Variants in SV2C observed in about 807,000 individuals in gnomAD.
SV2C encodes solute carrier family 22 member B3.
In SV2C, 49 loss-of-function variants were observed where a neutral mutation model predicts 79.7. The observed-to-expected ratio is 0.61, with a 90% CI of 0.49 to 0.78. The LOEUF (loss-of-function observed/expected upper bound fraction) is 0.78. SV2C is among the 30% of genes least tolerant of loss of function. The pLI, the probability that SV2C is intolerant of heterozygous loss-of-function variation, is 0.00. For synonymous variants in SV2C, 334 were observed against 333.2 expected (o/e 1.00, Z -0.03); for missense variants, 833 against 912.9 (o/e 0.91, Z 1.13).
At chr5:76,171,732 G>A (rs2112273847) in intron 2 of SV2C, among the ~76,000 whole-genome samples, 1 of 140,042 alleles carries the variant, frequency 7.1e-6, no homozygotes, top group Non-Finnish European at 1.6e-5. Flanking sequence ...CCCCCGCCTG[G>A]CCAGCCGTGC....
chr5:76,258,956 G>C (rs547379475), intron 4 of SV2C, among the ~76,000 whole-genome samples: 1 of 152,134 alleles, frequency 6.6e-6, no homozygotes, highest in Non-Finnish European at 1.5e-5. Flanking sequence ...ATTCATCCTG[G>C]TTGTTGCATG....
At chr5:75,915,253 C>T in the SV2C span, among the ~76,000 whole-genome samples, 1 of 152,130 alleles carries the variant, frequency 6.6e-6, no homozygotes, top group Non-Finnish European at 1.5e-5. Context: ...ATCAGTGTGC[C>T]CATGCTCTTA....
chr5:76,044,501 G>C, the SV2C span, among the ~76,000 whole-genome samples: 1 of 152,162 alleles, frequency 6.6e-6, no homozygotes, highest in Non-Finnish European at 1.5e-5. Context: ...CTTCCACAAT[G>C]GTTGAACTAA....
the SV2C span, among the ~76,000 whole-genome samples, chr5:76,046,527 TCTTA>T: frequency 6.6e-6 from 1 of 152,142 alleles, no homozygotes; most frequent in Non-Finnish European, 1.5e-5. Context: ...TGTGTAAAGG[TCTTA>T]CTATCTCAAA....
chr5:76,053,197 G>A, the SV2C span, among the ~76,000 whole-genome samples: 2 of 151,732 alleles, frequency 1.3e-5, no homozygotes, highest in Non-Finnish European at 2.9e-5. Flanking sequence ...CATGCCTGAA[G>A]AAAGCTGACC....
chr5:76,019,756 G>A, the SV2C span, among the ~76,000 whole-genome samples: 1 of 152,122 alleles, frequency 6.6e-6, no homozygotes, highest in African/African-American at 2.4e-5. Flanking sequence ...ATACAATTGG[G>A]GAAAACTAAC....
At chr5:76,080,924 C>T (rs914406495), upstream of SV2C, among the ~76,000 whole-genome samples, 10 of 152,212 alleles carry the variant, frequency 6.6e-5, no homozygotes, top group African/African-American at 2.4e-4. Context: ...CCAGGCAGGA[C>T]CCTAGAACCA....
chr5:75,918,914 C>G, the SV2C span, among the ~76,000 whole-genome samples: 2 of 152,180 alleles, frequency 1.3e-5, no homozygotes, highest in Admixed American at 1.3e-4. Context: ...CAGGGTAGTA[C>G]GTATGTGAAG....
chr5:75,961,707 G>A, the SV2C span, among the ~76,000 whole-genome samples: 1 of 151,772 alleles, frequency 6.6e-6, no homozygotes, highest in East Asian at 1.9e-4. Context: ...TCTCTGCAAT[G>A]TAAAGAATTA....
chr5:76,122,790 A>G (rs1391644282), intron 1 of SV2C, among the ~76,000 whole-genome samples: 1 of 152,098 alleles, frequency 6.6e-6, no homozygotes, highest in East Asian at 1.9e-4. Context: ...CAAAATTGAC[A>G]CCCTAACATC....
In SV2C at chr5:76,174,107, C is replaced by T. The variant is rs190515855; in HGVS notation, c.581-20812C>T. The T allele has an allele frequency of 1.3e-4, 205 of 1,594,850 alleles. No homozygotes were observed. The Admixed American group carries it at 1.6e-3, about 12-fold the overall frequency. On this transcript the variant is annotated intron_variant, in intron 2 of 12. Transcript: ENST00000502798. ...AGGATCGTATTTTTCTACAAAAATT[C>T]CTTGAACAAATTGTACAGTCAAAGC...
chr5:75,984,562 T>TATCG, the SV2C span, among the ~76,000 whole-genome samples: 1 of 54,368 alleles, frequency 1.8e-5, no homozygotes, highest in African/African-American at 5.5e-5. Flanking sequence ...TCTATCTATC[T>TATCG]ATCTATATCT....
chr5:75,903,622 A>G, the SV2C span, among the ~76,000 whole-genome samples: 4 of 152,318 alleles, frequency 2.6e-5, no homozygotes, highest in South Asian at 8.3e-4. Context: ...TCTTGTTAAA[A>G]TCTTCCATTT....
chr5:76,153,056 C>T (rs1474456526), intron 2 of SV2C, among the ~76,000 whole-genome samples: 1 of 152,146 alleles, frequency 6.6e-6, no homozygotes, highest in Non-Finnish European at 1.5e-5. Flanking sequence ...AAGGGAGAAC[C>T]CAGGAAAGGC....
At chr5:76,118,733 G>A (rs1748371500) in intron 1 of SV2C, among the ~76,000 whole-genome samples, 1 of 152,182 alleles carries the variant, frequency 6.6e-6, no homozygotes, top group South Asian at 2.1e-4. Context: ...TGTAATCCCA[G>A]CACTTTGGGA....
chr5:76,018,924 A>T, the SV2C span, among the ~76,000 whole-genome samples: 2 of 152,200 alleles, frequency 1.3e-5, no homozygotes, highest in East Asian at 3.8e-4. Context: ...TCGATATAAA[A>T]CGTAACCTGA....
the SV2C span, among the ~76,000 whole-genome samples, chr5:76,000,206 G>A: frequency 6.6e-6 from 1 of 152,110 alleles, no homozygotes; most frequent in South Asian, 2.1e-4. Context: ...TGAAGCCTTT[G>A]AGACATTTAA....
chr5:76,198,426 C>T (rs1196358647), intron 3 of SV2C, among the ~76,000 whole-genome samples: 1 of 152,152 alleles, frequency 6.6e-6, no homozygotes, highest in Non-Finnish European at 1.5e-5. Context: ...TCTGCACATG[C>T]CAGCTCCCCT....
intron 2 of SV2C, among the ~76,000 whole-genome samples, chr5:76,148,817 G>T (rs1176524812): frequency 6.6e-6 from 1 of 152,182 alleles, no homozygotes; most frequent in Non-Finnish European, 1.5e-5. Context: ...ACTTGCCATT[G>T]TTGTTCTGAC....
Sources: allele counts gnomAD v4.1 joint callset (sites outside exome capture counted in the v4.1 genomes callset), GRCh38; gene constraint gnomAD v4.1.1; transcripts MANE v1.5; gene names NCBI Gene and HGNC (gene_info 2026-07-23, HGNC 2026-07-21).